The following RORA variants were observed in gnomAD, a reference collection of about 807,000 sequenced individuals.
RORA encodes RAR related orphan receptor A.
Under a neutral mutation model 69.5 loss-of-function variants are expected in RORA, and 7 were observed. That is an observed-to-expected ratio of 0.10 (90% CI 0.06 to 0.19). RORA has a LOEUF of 0.19. RORA is among the 10% of genes least tolerant of loss of function. The pLI is 1.00. For missense variants in RORA, 457 were observed against 663.0 expected (o/e 0.69, Z 3.41); for synonymous variants, 261 against 240.8 (o/e 1.08, Z -0.78).
chr15:61,046,598 C>T (rs1897040804), intron 1 of RORA, among the ~76,000 whole-genome samples: 1 of 152,124 alleles, frequency 6.6e-6, no homozygotes, highest in Non-Finnish European at 1.5e-5. Context: ...TCCCCAGGTC[C>T]CTATACCAAG....
At position 60,495,203 on chromosome 15, in the gene RORA, A is replaced by G. The variant is rs1368492938; in HGVS notation, c.*2252T>C. ...AAATGGATGAATAAATAACTGAACTAAGCTTGGTACTCTTTTCAGAGTATA... is the reference window on the plus strand; with the variant it reads ...AAATGGATGAATAAATAACTGAACTGAGCTTGGTACTCTTTTCAGAGTATA... On this transcript the variant is annotated 3_prime_UTR_variant, in exon 11 of 11. Transcript: ENST00000335670. 6.6e-6 allele frequency: 1 copy of G among 152,222 alleles called. No homozygotes were observed. Among genetic ancestry groups the G allele is most frequent in the Non-Finnish European group, 1.5e-5 (1 of 68,032 alleles). The allele number at this position is 152,222 out of a possible 1,614,324, so 9.4% of individuals were successfully genotyped here. A position where few individuals can be genotyped will look rare whatever the true frequency, so the allele number is the denominator to read the frequency against.
intron 3 of RORA, chr15:60,529,259 T>G (rs1452181393): frequency 6.6e-6 from 1 of 152,220 alleles, no homozygotes; most frequent in Non-Finnish European, 1.5e-5. Flanking sequence ...AATTACACTA[T>G]CTCAGCAAAG....
chr15:60,598,033 T>C (rs949474655), intron 2 of RORA, among the ~76,000 whole-genome samples: 1 of 152,086 alleles, frequency 6.6e-6, no homozygotes, highest in Admixed American at 6.5e-5. Flanking sequence ...ACTAGCTGTA[T>C]GAGCTTGAGC....
At chr15:60,933,078 A>G (rs1224565025) in intron 1 of RORA, among the ~76,000 whole-genome samples, 1 of 152,102 alleles carries the variant, frequency 6.6e-6, no homozygotes, top group Non-Finnish European at 1.5e-5. Flanking sequence ...GCTGCTTCCC[A>G]GGGCTGTGAC....
intron 1 of RORA, among the ~76,000 whole-genome samples, chr15:60,952,321 C>G (rs1893134100): frequency 6.6e-6 from 1 of 152,096 alleles, no homozygotes; most frequent in Non-Finnish European, 1.5e-5. Flanking sequence ...ATGACAAACC[C>G]ACAGCCAATA....
intron 1 of RORA, among the ~76,000 whole-genome samples, chr15:61,036,748 G>C (rs1185475819): frequency 7.7e-6 from 1 of 130,490 alleles, no homozygotes; most frequent in South Asian, 2.4e-4. Flanking sequence ...GTCTCAAAGA[G>C]AGTGTTCACC....
chr15:60,937,881 A>G (rs1892573353), intron 1 of RORA, among the ~76,000 whole-genome samples: 2 of 152,226 alleles, frequency 1.3e-5, no homozygotes, highest in Non-Finnish European at 2.9e-5. Flanking sequence ...ATATGTGAAA[A>G]CACAGGTTAA....
At chr15:60,893,646 G>A (rs1024831004) in intron 1 of RORA, among the ~76,000 whole-genome samples, 2 of 152,092 alleles carry the variant, frequency 1.3e-5, no homozygotes, top group Non-Finnish European at 1.5e-5. Context: ...TAAGAAAGAG[G>A]CTCCTAAGGG....
intron 1 of RORA, among the ~76,000 whole-genome samples, chr15:60,743,016 A>ATTTTTT (rs33922947): frequency 1.6e-3 from 171 of 104,842 alleles, no homozygotes; most frequent in Non-Finnish European, 2.3e-3. Context: ...CATTCATTCT[A>ATTTTTT]TTTTTTTTTT....
chr15:60,504,254 A>AT (rs2065423048), intron 6 of RORA, among the ~76,000 whole-genome samples: 1 of 151,372 alleles, frequency 6.6e-6, no homozygotes, highest in Non-Finnish European at 1.5e-5. Flanking sequence ...TTTCATAAGA[A>AT]TATTTTTTCT....
chr15:60,924,112 C>A (rs896320447), intron 1 of RORA, among the ~76,000 whole-genome samples: 4 of 152,166 alleles, frequency 2.6e-5, no homozygotes, highest in Non-Finnish European at 4.4e-5. Context: ...CCCTCTATCC[C>A]ATACCCCATG....
At chr15:61,114,132 T>C (rs1255866201) in intron 1 of RORA, among the ~76,000 whole-genome samples, 1 of 152,204 alleles carries the variant, frequency 6.6e-6, no homozygotes, top group Non-Finnish European at 1.5e-5. Flanking sequence ...ACTGTGAAAC[T>C]GAAAATTTGG....
chr15:60,740,527 T>C (rs75240503), intron 1 of RORA, among the ~76,000 whole-genome samples: 5,362 of 152,158 alleles, frequency 0.035, 122 homozygotes, highest in Middle Eastern at 0.065. Flanking sequence ...CATGAAATGG[T>C]TCTCTCTGAG....
chr15:60,734,332 G>C (rs938591671), intron 1 of RORA, among the ~76,000 whole-genome samples: 5 of 152,130 alleles, frequency 3.3e-5, no homozygotes, highest in African/African-American at 4.8e-5. Context: ...ATGAAGTTTG[G>C]GGACCACTAC....
chr15:60,500,144 A>G, intron 9 of RORA, 140 bp from the exon 10 acceptor site: 1 of 591,978 alleles, frequency 1.7e-6, no homozygotes, highest in African/African-American at 1.9e-5. Context: ...CCTCTTTCAA[A>G]ATTTCTCCTA....
At chr15:60,696,251 C>A (rs1044368575) in intron 1 of RORA, among the ~76,000 whole-genome samples, 4 of 152,168 alleles carry the variant, frequency 2.6e-5, no homozygotes, top group Admixed American at 2.0e-4. Context: ...ACTCCAAGTA[C>A]AGCCACGGAG....
chr15:60,716,162 T>A (rs1374265358), intron 1 of RORA, among the ~76,000 whole-genome samples: 1 of 152,174 alleles, frequency 6.6e-6, no homozygotes, highest in Non-Finnish European at 1.5e-5. Flanking sequence ...TGCCACAACT[T>A]CCAGCCCATG....
At chr15:60,867,328 C>T (rs1346863737) in intron 1 of RORA, among the ~76,000 whole-genome samples, 1 of 152,114 alleles carries the variant, frequency 6.6e-6, no homozygotes, top group African/African-American at 2.4e-5. Flanking sequence ...AGATTGACAT[C>T]TTAAGTGGGG....
At chr15:61,228,160 C>G (rs1320246921) in intron 1 of RORA, among the ~76,000 whole-genome samples, 1 of 152,194 alleles carries the variant, frequency 6.6e-6, no homozygotes, top group Non-Finnish European at 1.5e-5. Flanking sequence ...TGCAGAAATG[C>G]TTGGAACCTC....
Sources: allele counts gnomAD v4.1 joint callset (sites outside exome capture counted in the v4.1 genomes callset), GRCh38; gene constraint gnomAD v4.1.1; transcripts MANE v1.5; gene names NCBI Gene and HGNC (gene_info 2026-07-23, HGNC 2026-07-21).